Variants in CLPB observed in about 807,000 individuals in gnomAD.
CLPB encodes the protein mitochondrial disaggregase.
In CLPB, 40 loss-of-function variants were observed where a neutral mutation model predicts 78.4. The ratio of observed to expected loss-of-function variants is 0.51; its 90% confidence interval spans 0.40 to 0.66. CLPB has a LOEUF of 0.66. Among genes scored for constraint, CLPB ranks in the 30% least tolerant of loss-of-function variants. The probability of loss-of-function intolerance (pLI) is 0.00; values close to 1 mark genes in which losing one functional copy is unlikely to be tolerated. For synonymous variants in CLPB, 333 were observed against 348.0 expected, an observed-to-expected ratio of 0.96 and a Z score of 0.48; for missense variants, 780 against 886.9, an observed-to-expected ratio of 0.88 and a Z score of 1.53.
Position 72,421,352 on chromosome 11 carries a change from C to T in CLPB, c.455+8960G>A, listed in dbSNP as rs375440472. ...TCCTTAAAACCAATCCACGTGTTTC[C>T]GTGTCATCTTATCTAATTCGACATG... On this transcript the variant is annotated intron_variant, in intron 2 of 15. Coordinates refer to ENST00000538039, the MANE Select transcript of CLPB (RefSeq NM_001258392.3). 1.4e-4 allele frequency among the ~76,000 whole-genome samples: 22 copies of T among 152,262 alleles called. No individual in the cohort carries two copies. In the South Asian group the frequency reaches 3.9e-3, roughly 27 times the overall value.
chr11:72,336,520 T>C (rs995595419), intron 5 of CLPB: 1 of 152,224 alleles, frequency 6.6e-6, no homozygotes, highest in African/African-American at 2.4e-5. Flanking sequence ...CTAAGGGCTT[T>C]GTGAGGACTA....
chr11:72,433,032 C>G (rs75616238), intron 1 of CLPB, among the ~76,000 whole-genome samples: 3,112 of 152,218 alleles, frequency 0.02, 54 homozygotes, highest in Non-Finnish European at 0.032. Flanking sequence ...CTTAGCTCCC[C>G]GGATCCAAAT....
chr11:72,376,362 G>A (rs946978319), intron 4 of CLPB, among the ~76,000 whole-genome samples: 1 of 152,082 alleles, frequency 6.6e-6, no homozygotes, highest in African/African-American at 2.4e-5. Flanking sequence ...GGAAAGACAT[G>A]GTTAAGACGA....
intron 5 of CLPB, among the ~76,000 whole-genome samples, chr11:72,337,740 T>C (rs529897263): frequency 6.6e-6 from 1 of 152,328 alleles, no homozygotes; most frequent in African/African-American, 2.4e-5. Context: ...TCCAAAGGCC[T>C]GATGACTCAA....
rs1288932606 is a variant in CLPB, at chr11:72,358,980, G to A, written c.675C>T (p.Asn225=). 3.7e-6 allele frequency: 6 copies of A among 1,613,594 alleles called. No homozygotes were observed. Among genetic ancestry groups the A allele is most frequent in the Non-Finnish European group, 4.2e-6 (5 of 1,179,978 alleles). ...AACTGGCGCGGTTGTTCAGCCTGTT[G>A]TTGAAGTCATCCTCTCGGGTGATCA... The part of the protein sequence containing the change: ...EVLITREDDF[N]NRLNNRASFK... Residue 225 remains asparagine, a synonymous_variant, in exon 5 of 16, where the codon AAC becomes AAT. Transcript: ENST00000538039.
At chr11:72,380,168 A>C in intron 4 of CLPB, 113 bp downstream of exon 4, 1 of 786,766 alleles carries the variant, frequency 1.3e-6, no homozygotes, top group Admixed American at 2.0e-5. Flanking sequence ...CACAGAGGTA[A>C]AGAACATGCA....
intron 7 of CLPB, among the ~76,000 whole-genome samples, chr11:72,309,918 T>C (rs1949814298): frequency 6.6e-6 from 1 of 152,212 alleles, no homozygotes; most frequent in South Asian, 2.1e-4. Context: ...TCTGCCCATC[T>C]TGAGTTGCCA....
intron 8 of CLPB, among the ~76,000 whole-genome samples, chr11:72,307,964 A>G (rs929562909): frequency 5.3e-5 from 8 of 152,160 alleles, no homozygotes; most frequent in Non-Finnish European, 1.0e-4. Flanking sequence ...TTCAGGTTCC[A>G]GTGCTTCTGG....
At chr11:72,334,470 A>C (rs552851943) in intron 5 of CLPB, among the ~76,000 whole-genome samples, 2 of 152,368 alleles carry the variant, frequency 1.3e-5, no homozygotes, top group South Asian at 4.1e-4. Context: ...TTAGTACCCC[A>C]GCCCTGCACC....
intron 7 of CLPB, among the ~76,000 whole-genome samples, chr11:72,314,519 G>C (rs1368102482): frequency 6.6e-6 from 1 of 152,134 alleles, no homozygotes; most frequent in Non-Finnish European, 1.5e-5. Context: ...GAGGGCCTGG[G>C]CTCTGGGGCC....
In CLPB at chr11:72,434,166, G is replaced by T; in HGVS notation, c.309C>A (p.Ser103Arg). ...CGGCCCTGCTGGGGACCCCGTTCCA[G>T]CTGTCCTGTCCTGGGAGTGTTTCTT... The part of the protein sequence containing the change: ...GPEETLPGQD[S>R]WNGVPSRAGL... The change falls in exon 1 of 16, where the codon AGC (serine) becomes AGA (arginine). Residue 103 changes from serine (S) to arginine (R), a missense_variant. Ser to Arg is a moderately radical substitution (Grantham distance 110). This residue lies in a region of CLPB where 417 missense variants were observed against 414.7 expected (regional missense o/e 1.01). Transcript: ENST00000538039. The T allele has an allele frequency of 6.2e-7, 1 of 1,613,074 alleles. No individual in the cohort carries two copies.
At chr11:72,424,936 T>C (rs894142184) in intron 2 of CLPB, among the ~76,000 whole-genome samples, 3 of 150,450 alleles carry the variant, frequency 2.0e-5, no homozygotes, top group Admixed American at 6.6e-5. Context: ...CTTAGCCAGG[T>C]GTGGTGGCAT....
At chr11:72,370,355 T>C (rs1335022807) in intron 4 of CLPB, among the ~76,000 whole-genome samples, 1 of 152,086 alleles carries the variant, frequency 6.6e-6, no homozygotes, top group Non-Finnish European at 1.5e-5. Context: ...GCTAAAAGGA[T>C]GGAAATAATT....
At chr11:72,305,618 G>C (rs1040091790) in intron 9 of CLPB, among the ~76,000 whole-genome samples, 6 of 152,242 alleles carry the variant, frequency 3.9e-5, no homozygotes, top group South Asian at 2.1e-4. Flanking sequence ...GGTTGCTCCA[G>C]AGCTCTGTCC....
chr11:72,382,894 C>T (rs1854958748), intron 3 of CLPB, among the ~76,000 whole-genome samples: 1 of 151,412 alleles, frequency 6.6e-6, no homozygotes, highest in African/African-American at 2.4e-5. Context: ...ACCTGCCTCA[C>T]AAATAATTAA....
At chr11:72,324,183 T>A (rs921110408) in intron 6 of CLPB, among the ~76,000 whole-genome samples, 1 of 152,114 alleles carries the variant, frequency 6.6e-6, no homozygotes, top group African/African-American at 2.4e-5. Flanking sequence ...TGTTTCTTAA[T>A]AAGGTGTGTC....
At chr11:72,416,962 T>C (rs1856045139) in intron 2 of CLPB, among the ~76,000 whole-genome samples, 1 of 152,154 alleles carries the variant, frequency 6.6e-6, no homozygotes, top group South Asian at 2.1e-4. Context: ...CCCTCACACG[T>C]TGCTTTTGGG....
chr11:72,375,238 C>A (rs1446170138), intron 4 of CLPB, among the ~76,000 whole-genome samples: 1 of 152,152 alleles, frequency 6.6e-6, no homozygotes, highest in African/African-American at 2.4e-5. Flanking sequence ...ATTCCTCCTC[C>A]ACCCTGTCAG....
intron 6 of CLPB, among the ~76,000 whole-genome samples, chr11:72,328,404 C>A (rs1394835153): frequency 2.0e-5 from 3 of 152,198 alleles, no homozygotes; most frequent in Non-Finnish European, 4.4e-5. Context: ...GATCCATAGA[C>A]AATCATATGT....
Sources: gnomAD v4.1 joint callset for allele counts (sites outside exome capture counted in the v4.1 genomes callset) on GRCh38, gnomAD v4.1.1 for gene constraint, gnomAD v4.1.1 regional missense constraint, MANE v1.5 for transcripts, NCBI Gene and HGNC (gene_info 2026-07-23, HGNC 2026-07-21) for gene names.